PPP4R4: variants seen among roughly 807,000 people sequenced by gnomAD.
PPP4R4 encodes protein phosphatase 4 regulatory subunit 4, also known as serine/threonine-protein phosphatase 4 regulatory subunit 4.
PPP4R4 carries 70 observed loss-of-function variants against 121.8 expected under a neutral mutation model. The observed-to-expected ratio is 0.57, with a 90% CI of 0.47 to 0.70. The LOEUF (loss-of-function observed/expected upper bound fraction) is 0.70. Among genes scored for constraint, PPP4R4 ranks in the 30% least tolerant of loss-of-function variants. PPP4R4 has a pLI of 0.00. For missense variants in PPP4R4, 875 were observed against 1,033.6 expected, an observed-to-expected ratio of 0.85 and a Z score of 2.10; for synonymous variants, 348 against 355.7, an observed-to-expected ratio of 0.98 and a Z score of 0.24.
intron 24 of PPP4R4, 128 bp from the exon 25 acceptor site, chr14:94,278,491 C>G (rs1266617411): frequency 1.4e-5 from 6 of 435,554 alleles, no homozygotes; most frequent in Non-Finnish European, 2.0e-5. Flanking sequence ...AGTAGAGTAT[C>G]TATATATTTT....
At chr14:94,235,578 T>G (rs1595507349) in intron 7 of PPP4R4, among the ~76,000 whole-genome samples, 1 of 151,116 alleles carries the variant, frequency 6.6e-6, no homozygotes, top group African/African-American at 2.4e-5. Context: ...TTTTTGTATT[T>G]TTAGTAGAGA....
chr14:94,217,412 A>T (rs1002239270), intron 3 of PPP4R4, among the ~76,000 whole-genome samples: 1 of 152,198 alleles, frequency 6.6e-6, no homozygotes, highest in Non-Finnish European at 1.5e-5. Flanking sequence ...AGCCTAGCAG[A>T]GGTGGAATGT....
At chr14:94,259,391 A>G in intron 19 of PPP4R4, 22 bp downstream of exon 19, 1 of 1,582,160 alleles carries the variant, frequency 6.3e-7, no homozygotes, top group Non-Finnish European at 8.6e-7. Flanking sequence ...TCACATGCAC[A>G]CACATATACT....
chr14:94,277,494 A>G (rs529334180), intron 24 of PPP4R4, among the ~76,000 whole-genome samples: 1 of 152,306 alleles, frequency 6.6e-6, no homozygotes, highest in South Asian at 2.1e-4. Context: ...TAGCTCTGGC[A>G]TCCTGAAATC....
intron 2 of PPP4R4, among the ~76,000 whole-genome samples, chr14:94,180,894 C>A (rs1888948370): frequency 6.6e-6 from 1 of 151,990 alleles, no homozygotes; most frequent in South Asian, 2.1e-4. Flanking sequence ...GAGATTTCTG[C>A]AGTCAAATCA....
chr14:94,180,800 G>A (rs1888939015), intron 2 of PPP4R4, among the ~76,000 whole-genome samples: 1 of 151,428 alleles, frequency 6.6e-6, no homozygotes, highest in South Asian at 2.1e-4. Context: ...ATCATAAAGT[G>A]CATCTTTATT....
intron 23 of PPP4R4, among the ~76,000 whole-genome samples, chr14:94,268,515 C>A (rs923145278): frequency 6.6e-6 from 1 of 152,172 alleles, no homozygotes; most frequent in Non-Finnish European, 1.5e-5. Flanking sequence ...GATTCTAAAA[C>A]TTACATCCAA....
intron 2 of PPP4R4, among the ~76,000 whole-genome samples, chr14:94,186,262 T>A (rs77531509): frequency 0.017 from 2,563 of 152,290 alleles, 30 homozygotes; most frequent in Non-Finnish European, 0.027. Context: ...TCTCTCTCCC[T>A]CCCGTGAGCC....
chr14:94,211,630 G>A (rs993132260), intron 3 of PPP4R4, among the ~76,000 whole-genome samples: 3 of 152,162 alleles, frequency 2.0e-5, no homozygotes, highest in African/African-American at 7.2e-5. Context: ...AGTCGTTGAA[G>A]TCTTTAAAGC....
intron 22 of PPP4R4, among the ~76,000 whole-genome samples, chr14:94,266,164 T>C (rs1052946961): frequency 9.9e-5 from 15 of 152,116 alleles, no homozygotes; most frequent in Non-Finnish European, 1.5e-5. Context: ...ATGAGGGAGA[T>C]AGTAGTATAT....
intron 3 of PPP4R4, 109 bp downstream of exon 3, chr14:94,208,675 T>G: frequency 1.4e-6 from 1 of 705,060 alleles, no homozygotes; most frequent in South Asian, 2.2e-5. Context: ...CACCTAAAAA[T>G]TGAGTGGAGG....
chr14:94,226,964 G>C (rs991364795), intron 3 of PPP4R4, among the ~76,000 whole-genome samples: 2 of 152,116 alleles, frequency 1.3e-5, no homozygotes, highest in African/African-American at 4.8e-5. Context: ...TCTTCCTGAT[G>C]GATATAATAC....
intron 3 of PPP4R4, among the ~76,000 whole-genome samples, chr14:94,221,927 A>G (rs1891421123): frequency 6.6e-6 from 1 of 152,094 alleles, no homozygotes; most frequent in Non-Finnish European, 1.5e-5. Flanking sequence ...TGTTATAGCT[A>G]AAACTGGAAA....
chr14:94,265,753 T>C (rs1313407984), intron 21 of PPP4R4, 41 bp from the exon 22 acceptor site: 1 of 1,414,748 alleles, frequency 7.1e-7, no homozygotes, highest in East Asian at 2.3e-5. Flanking sequence ...CAGCCGAGGA[T>C]GAACTGAATA....
chr14:94,191,690 A>G (rs1388243141), intron 2 of PPP4R4, among the ~76,000 whole-genome samples: 1 of 152,178 alleles, frequency 6.6e-6, no homozygotes. Flanking sequence ...AGAGGAGTTT[A>G]TCTCTTCGCA....
Position 94,230,676 on chromosome 14 carries a change from T to C in PPP4R4, c.384T>C (p.His128=), listed in dbSNP as rs1891972821. ...TGCAGGACGAATCAGTGTCAATTCA[T>C]GCATATACCCACTCATTCCTCCAAG... is the stretch of plus-strand genomic sequence containing the variant. ...TILQDESVSI[H]AYTHSFLQVI... is the part of the protein sequence containing the mutation. The change falls in exon 4 of 25, where the codon CAT becomes CAC. Residue 128 remains histidine, a synonymous_variant. Coordinates refer to ENST00000304338, the MANE Select transcript of PPP4R4 (RefSeq NM_058237.2). 2 of 1,613,256 alleles carry C rather than the reference T, an allele frequency of 1.2e-6. No homozygotes were observed.
chr14:94,250,094 A>G, intron 14 of PPP4R4, 78 bp from the exon 15 acceptor site: 1 of 944,562 alleles, frequency 1.1e-6, no homozygotes, highest in Non-Finnish European at 1.7e-6. Flanking sequence ...TCAATAACTT[A>G]AAATTGATTT....
chr14:94,205,143 TA>T (rs1254461018), intron 2 of PPP4R4, among the ~76,000 whole-genome samples: 2 of 152,156 alleles, frequency 1.3e-5, no homozygotes, highest in African/African-American at 4.8e-5. Context: ...AATTTTTCAT[TA>T]AATGGTAGTA....
At position 94,275,440 on chromosome 14, in the gene PPP4R4, C is replaced by T. The variant is rs149073984; in HGVS notation, c.2516C>T (p.Pro839Leu). The T allele has an allele frequency of 1.1e-4, 174 of 1,613,850 alleles. No individual in the cohort carries two copies. In the African/African-American group the frequency reaches 1.8e-3, roughly 17 times the overall value. The change falls in exon 24 of 25, where the codon CCG becomes CTG. Residue 839 changes from proline to leucine, a missense_variant. By Grantham distance (98) the Pro-to-Leu change is moderately conservative. Transcript: ENST00000304338. ...TCCTTTTCTCCTAATACTCCCTTAC[C>T]GAGTACTTCCCGTGGGACAGGTAAC... ...PSSFSPNTPL[P>L]STSRGTGNSV...
Sources: allele counts gnomAD v4.1 joint callset (sites outside exome capture counted in the v4.1 genomes callset), GRCh38; gene constraint gnomAD v4.1.1; transcripts MANE v1.5; gene names NCBI Gene and HGNC (gene_info 2026-07-23, HGNC 2026-07-21).